AKAP9: variants seen among roughly 807,000 people sequenced by gnomAD.
The protein encoded by AKAP9 is A-kinase anchor protein 9.
Under a neutral mutation model 488.5 loss-of-function variants are expected in AKAP9, and 311 were observed. The ratio of observed to expected loss-of-function variants is 0.64; its 90% confidence interval spans 0.58 to 0.70. AKAP9 has a LOEUF of 0.70. AKAP9 is among the 30% of genes least tolerant of loss of function. AKAP9 has a pLI of 0.00. For synonymous variants in AKAP9, 1,462 were observed against 1,483.5 expected, an observed-to-expected ratio of 0.99 and a Z score of 0.33; for missense variants, 4,215 against 4,374.5, an observed-to-expected ratio of 0.96 and a Z score of 1.03.
intron 37 of AKAP9, among the ~76,000 whole-genome samples, chr7:92,086,850 TATTG>T (rs1288219871): frequency 6.6e-6 from 1 of 152,172 alleles, no homozygotes; most frequent in Non-Finnish European, 1.5e-5. Context: ...TACTATATAT[TATTG>T]ATTGATTAAC....
chr7:92,110,034 A>AT, intron 49 of AKAP9, 88 bp from the exon 50 acceptor site: 1 of 1,002,010 alleles, frequency 1.0e-6, no homozygotes, highest in Non-Finnish European at 1.5e-6. Context: ...GAGAATAATA[A>AT]TAATTTCCTT....
chr7:92,042,593 G>C, intron 19 of AKAP9, 75 bp from the exon 20 acceptor site: 1 of 1,037,978 alleles, frequency 9.6e-7, no homozygotes, highest in Non-Finnish European at 1.5e-6. Flanking sequence ...CAATATAGAA[G>C]AATGACATGC....
chr7:92,061,210 G>T (rs762013635), intron 22 of AKAP9, 50 bp from the exon 23 acceptor site: 1 of 1,597,850 alleles, frequency 6.3e-7, no homozygotes, highest in East Asian at 2.2e-5. Flanking sequence ...AATGAAACTA[G>T]TATTTCCACA....
At chr7:92,041,002 T>A in intron 18 of AKAP9, 104 bp downstream of exon 18, 1 of 934,424 alleles carries the variant, frequency 1.1e-6, no homozygotes, top group Non-Finnish European at 1.6e-6. Context: ...TATGTAGCCA[T>A]AATTTTTTTT....
chr7:91,958,472 A>C (rs1386873724), intron 1 of AKAP9, among the ~76,000 whole-genome samples: 1 of 152,190 alleles, frequency 6.6e-6, no homozygotes, highest in Non-Finnish European at 1.5e-5. Context: ...CTCACTGTTC[A>C]TTGTTAGCAG....
chr7:92,097,942 T>G, intron 42 of AKAP9, 148 bp downstream of exon 42: 1 of 938,142 alleles, frequency 1.1e-6, no homozygotes, highest in Non-Finnish European at 1.7e-6. Context: ...TTAACAGAAC[T>G]CAAATGTCTG....
chr7:92,013,899 A>G (rs1801144309), intron 9 of AKAP9, among the ~76,000 whole-genome samples: 1 of 151,766 alleles, frequency 6.6e-6, no homozygotes, highest in Non-Finnish European at 1.5e-5. Context: ...ACAAAGTAGA[A>G]CAGAAGACAT....
At chr7:92,012,362 A>G in intron 8 of AKAP9, 67 bp from the exon 9 acceptor site, 1 of 1,448,944 alleles carries the variant, frequency 6.9e-7, no homozygotes, top group Non-Finnish European at 9.5e-7. Flanking sequence ...ATATGCAAAA[A>G]AAAGAAGTTA....
chr7:92,055,988 A>C lies in AKAP9; in HGVS notation c.5601+3030A>C, dbSNP rs150659415. Among the ~76,000 whole-genome samples the C allele has an allele frequency of 7.4e-4, 113 of 152,084 alleles. 2 individuals are homozygous for C. The East Asian group carries it at 0.018, about 24-fold the overall frequency. On this transcript the variant is annotated intron_variant, in intron 22 of 49. Coordinates refer to ENST00000356239, the MANE Select transcript of AKAP9 (RefSeq NM_005751.5). Reference sequence around the variant, plus strand: ...TTTTTGTTTTACATGGATGGAAGCAAGTTTTACATGCTTCCAAAAATGGGT... The same window carrying C: ...TTTTTGTTTTACATGGATGGAAGCACGTTTTACATGCTTCCAAAAATGGGT...
chr7:92,002,513 G>A lies in AKAP9; in HGVS notation c.2596G>A (p.Glu866Lys). ...TGAAGTTAACTATCAAGAGTTACAA[G>A]AGGAGTATGCTTGCCTTCTCAAAGT... ...NFEVNYQELQ[E>K]EYACLLKVKD... The change falls in exon 8 of 50, where the codon GAG (glutamate) becomes AAG (lysine). Residue 866 changes from glutamate (E) to lysine (K), a missense_variant. Around this residue, in one of 5 missense-constraint regions of AKAP9, gnomAD observed 2,361 missense variants for 2,430.0 expected, o/e 0.97. Transcript: ENST00000356239. 1.2e-6 allele frequency: 2 copies of A among 1,610,938 alleles called. No homozygotes were observed. Among genetic ancestry groups the A allele is most frequent in the South Asian group, 2.2e-5 (2 of 90,210 alleles).
At chr7:92,104,202 T>TA (rs1818132254) in intron 46 of AKAP9, among the ~76,000 whole-genome samples, 2 of 147,586 alleles carry the variant, frequency 1.4e-5, no homozygotes, top group African/African-American at 5.2e-5. Flanking sequence ...TTTTTTTTTT[T>TA]TTTTTTGAGA....
intron 3 of AKAP9, 130 bp from the exon 4 acceptor site, chr7:91,992,028 C>A (rs1349354251): frequency 4.0e-6 from 3 of 746,640 alleles, no homozygotes; most frequent in South Asian, 1.5e-5. Flanking sequence ...ATCTCTGTAT[C>A]TGTTTTCGCC....
intron 17 of AKAP9, 30 bp downstream of exon 17, chr7:92,038,802 T>C (rs1210947459): frequency 6.8e-7 from 1 of 1,479,388 alleles, no homozygotes; most frequent in Non-Finnish European, 9.3e-7. Flanking sequence ...TATAAAAAAC[T>C]TATTTAAAAA....
intron 30 of AKAP9, among the ~76,000 whole-genome samples, chr7:92,078,202 T>TGACC (rs1022280028): frequency 1.9e-4 from 29 of 152,104 alleles, no homozygotes; most frequent in Non-Finnish European, 3.7e-4. Context: ...TTCACCATGT[T>TGACC]GACCAGGCTG....
At position 92,066,453 on chromosome 7, in the gene AKAP9, G is replaced by A. The variant is rs537731606; in HGVS notation, c.6237G>A (p.Glu2079=). 5.0e-6 allele frequency: 8 copies of A among 1,613,188 alleles called. No homozygotes were observed. In the Admixed American group the frequency reaches 1.3e-4, roughly 27 times the overall value. ...AGCAAGCCATTGACAGAGAACATGA[G>A]AGAGATGTATTCCAACAGGAAATAC... ...LDEQAIDREH[E]RDVFQQEIQK... is the part of the protein sequence containing the mutation. The change falls in exon 26 of 50, where the codon GAG becomes GAA. Residue 2079 remains glutamate, a synonymous_variant. Coordinates refer to ENST00000356239, the MANE Select transcript of AKAP9 (RefSeq NM_005751.5).
intron 8 of AKAP9, among the ~76,000 whole-genome samples, chr7:92,008,531 C>G: frequency 6.7e-6 from 1 of 148,312 alleles, no homozygotes; most frequent in Non-Finnish European, 1.5e-5. Flanking sequence ...ACTAAAAATA[C>G]AAAAAATCAG....
In AKAP9 at chr7:92,038,786, C is replaced by G. The variant is rs761520797; in HGVS notation, c.4692+14C>G. ...GTTAGACAGTCTGTAAGTATGCCTC[C>G]TTGAATATAAAAAACTTATTTAAAA... On this transcript the variant is annotated intron_variant, in intron 17 of 49. Transcript: ENST00000356239. 10 of 1,529,438 alleles carry G rather than the reference C, an allele frequency of 6.5e-6. No individual in the cohort carries two copies. The East Asian group carries it at 1.4e-4, about 21-fold the overall frequency. 94.7% of individuals were successfully genotyped at this position (1,529,438 alleles called of 1,614,324 possible). A position where few individuals can be genotyped will look rare whatever the true frequency, so the allele number is the denominator to read the frequency against.
At chr7:92,015,453 C>T (rs1801379290) in intron 10 of AKAP9, among the ~76,000 whole-genome samples, 1 of 151,354 alleles carries the variant, frequency 6.6e-6, no homozygotes, top group Non-Finnish European at 1.5e-5. Context: ...TGACCTCTGC[C>T]TCCTAGGTTC....
chr7:92,076,375 T>C (rs763097889), intron 28 of AKAP9, among the ~76,000 whole-genome samples: 7 of 152,362 alleles, frequency 4.6e-5, no homozygotes, highest in East Asian at 1.9e-4. Flanking sequence ...TTCCTTCTGC[T>C]TAACAAACCA....
Sources: gnomAD v4.1 joint callset for allele counts (sites outside exome capture counted in the v4.1 genomes callset) on GRCh38, gnomAD v4.1.1 for gene constraint, gnomAD v4.1.1 regional missense constraint, MANE v1.5 for transcripts, NCBI Gene and HGNC (gene_info 2026-07-23, HGNC 2026-07-21) for gene names.